ZNF148: variants seen among roughly 807,000 people sequenced by gnomAD.
ZNF148 encodes Beta-Enolase Repressor Factor-1.
Under a neutral mutation model 67.7 loss-of-function variants are expected in ZNF148, and 7 were observed. That is an observed-to-expected ratio of 0.10 (90% confidence interval 0.06 to 0.19). ZNF148 has a LOEUF of 0.19. Ranked by LOEUF, ZNF148 falls within the 10% of genes least tolerant of loss-of-function variation. The probability of loss-of-function intolerance (pLI) is 1.00; values close to 1 mark genes in which losing one functional copy is unlikely to be tolerated. For missense variants in ZNF148, 583 were observed against 947.1 expected (o/e 0.62, Z 5.05); for synonymous variants, 333 against 330.7 (o/e 1.01, Z -0.08).
chr3:125,249,726 A>G (rs938217771), intron 7 of ZNF148, among the ~76,000 whole-genome samples: 1 of 152,208 alleles, frequency 6.6e-6, no homozygotes, highest in African/African-American at 2.4e-5. Context: ...ATATCTGAAC[A>G]TTCACTGTAG....
chr3:125,262,140 C>T (rs1937372315), intron 7 of ZNF148, among the ~76,000 whole-genome samples: 1 of 152,112 alleles, frequency 6.6e-6, no homozygotes, highest in Non-Finnish European at 1.5e-5. Context: ...ATCTTTGAAA[C>T]CGTCTTGTCA....
In ZNF148 at chr3:125,277,827, T is replaced by G. The variant is rs1307505658; in HGVS notation, c.584-18A>C. On this transcript the variant is annotated intron_variant, in intron 6 of 8. Transcript: ENST00000360647. ...TTTTTCACCTTAAAATAATTTCACATCCACAAATTAGTTACTGAATAAAAC... is the reference window on the plus strand; with the variant it reads ...TTTTTCACCTTAAAATAATTTCACAGCCACAAATTAGTTACTGAATAAAAC... The G allele has an allele frequency of 6.3e-7, 1 of 1,595,942 alleles. No homozygotes were observed. Among genetic ancestry groups the G allele is most frequent in the Admixed American group, 1.7e-5 (1 of 58,010 alleles).
At position 125,227,731 on chromosome 3, in the gene ZNF148, T is replaced by C. The variant is rs1460979898; in HGVS notation, c.*4610A>G. On this transcript the variant is annotated 3_prime_UTR_variant, in exon 9 of 9. Coordinates refer to ENST00000360647, the MANE Select transcript of ZNF148 (RefSeq NM_021964.3). ...CTACTGAAATGCTTTGCTACAATAA[T>C]AAAAAGCATACATTACATATAAAAG... 6.6e-6 allele frequency: 1 copy of C among 152,584 alleles called. No homozygotes were observed. Among genetic ancestry groups the C allele is most frequent in the Non-Finnish European group, 1.5e-5 (1 of 67,998 alleles). 9.5% of individuals were successfully genotyped at this position (152,584 alleles called of 1,614,324 possible).
At chr3:125,280,461 C>G (rs1938316989) in intron 5 of ZNF148, among the ~76,000 whole-genome samples, 1 of 151,968 alleles carries the variant, frequency 6.6e-6, no homozygotes, top group South Asian at 2.1e-4. Context: ...GTGGGTGGCT[C>G]ACTTCAGTTC....
chr3:125,243,186 C>A (rs181787703), intron 7 of ZNF148, among the ~76,000 whole-genome samples: 4 of 152,284 alleles, frequency 2.6e-5, no homozygotes, highest in Admixed American at 2.0e-4. Flanking sequence ...TGAATGATTT[C>A]CTCATATGGG....
intron 4 of ZNF148, among the ~76,000 whole-genome samples, chr3:125,297,515 C>T (rs915973472): frequency 1.3e-5 from 2 of 151,520 alleles, no homozygotes; most frequent in African/African-American, 4.9e-5. Context: ...CACTGCAATA[C>T]ATGCATCCAA....
intron 5 of ZNF148, among the ~76,000 whole-genome samples, chr3:125,280,591 A>T (rs1250686273): frequency 1.3e-5 from 2 of 151,476 alleles, no homozygotes; most frequent in African/African-American, 4.9e-5. Flanking sequence ...TGAGGATGGG[A>T]GGATCACTTG....
chr3:125,239,113 AAG>A (rs1160600720), intron 7 of ZNF148, among the ~76,000 whole-genome samples: 1 of 152,214 alleles, frequency 6.6e-6, no homozygotes, highest in African/African-American at 2.4e-5. Flanking sequence ...AAGAGGGGAA[AAG>A]AGAGTTATTG....
At chr3:125,256,079 T>A (rs1006349008) in intron 7 of ZNF148, among the ~76,000 whole-genome samples, 3 of 148,164 alleles carry the variant, frequency 2.0e-5, no homozygotes, top group Non-Finnish European at 3.0e-5. Context: ...GAATTCCATT[T>A]AAAAAAAAAA....
chr3:125,258,317 C>T (rs552045822), intron 7 of ZNF148, among the ~76,000 whole-genome samples: 4 of 144,244 alleles, frequency 2.8e-5, no homozygotes, highest in South Asian at 2.3e-4. Flanking sequence ...CCCAGCTACT[C>T]GGGAGGCTGA....
chr3:125,271,000 TTTGA>T (rs1266317345), intron 7 of ZNF148, among the ~76,000 whole-genome samples: 2 of 152,252 alleles, frequency 1.3e-5, no homozygotes, highest in African/African-American at 2.4e-5. Context: ...AATACCTAAA[TTTGA>T]TTAATACATT....
intron 2 of ZNF148, among the ~76,000 whole-genome samples, chr3:125,324,852 G>C (rs563728136): frequency 6.6e-6 from 1 of 152,098 alleles, no homozygotes; most frequent in East Asian, 1.9e-4. Context: ...AATTCTTGTA[G>C]AACTATTCAC....
At chr3:125,328,422 T>C (rs904375629) in intron 2 of ZNF148, among the ~76,000 whole-genome samples, 3 of 151,914 alleles carry the variant, frequency 2.0e-5, no homozygotes, top group African/African-American at 4.8e-5. Flanking sequence ...TGGTAAATAT[T>C]TGAAGTGATG....
At chr3:125,329,293 T>C (rs971182301) in intron 2 of ZNF148, among the ~76,000 whole-genome samples, 1 of 147,662 alleles carries the variant, frequency 6.8e-6, no homozygotes, top group African/African-American at 2.5e-5. Context: ...TATATGTATA[T>C]ATGTATATTC....
chr3:125,342,023 G>A (rs1941748164), intron 1 of ZNF148, among the ~76,000 whole-genome samples: 1 of 151,522 alleles, frequency 6.6e-6, no homozygotes, highest in African/African-American at 2.4e-5. Flanking sequence ...GAAATCATGG[G>A]GAAGAGAATC....
intron 4 of ZNF148, among the ~76,000 whole-genome samples, chr3:125,297,158 A>G (rs564894050): frequency 6.6e-6 from 1 of 152,156 alleles, no homozygotes; most frequent in Non-Finnish European, 1.5e-5. Flanking sequence ...TTAATATACT[A>G]AGTTGTTCTA....
chr3:125,253,443 T>C (rs1936932853), intron 7 of ZNF148, among the ~76,000 whole-genome samples: 1 of 152,218 alleles, frequency 6.6e-6, no homozygotes, highest in Non-Finnish European at 1.5e-5. Context: ...ACTTTTTTTT[T>C]GTTCTGGCCT....
Position 125,241,317 on chromosome 3 carries a change from C to CT in ZNF148, c.668-6989dup, listed in dbSNP as rs1223168147. On this transcript the variant is annotated intron_variant, in intron 7 of 8. Coordinates refer to ENST00000360647, the MANE Select transcript of ZNF148 (RefSeq NM_021964.3). ...GAGTTTCTTTCTTTTTTCTTTCTTT[C>CT]TTTTTTTTTTTTTTTAAAGACAGGG... 7.9e-3 allele frequency among the ~76,000 whole-genome samples: 1,079 copies of CT among 136,330 alleles called. 3 individuals are homozygous for CT. The highest frequency in any genetic ancestry group is 0.011 in the African/African-American group (391 of 36,760). The allele number at this position is 136,330 out of a possible 152,430, so 89.4% of individuals were successfully genotyped here.
chr3:125,348,046 G>A (rs748908685), intron 1 of ZNF148, among the ~76,000 whole-genome samples: 1 of 152,056 alleles, frequency 6.6e-6, no homozygotes. Flanking sequence ...TTTGAGCCCA[G>A]GAGCTTGAGA....
Sources: allele counts gnomAD v4.1 joint callset (sites outside exome capture counted in the v4.1 genomes callset), GRCh38; gene constraint gnomAD v4.1.1; transcripts MANE v1.5; gene names NCBI Gene and HGNC (gene_info 2026-07-23, HGNC 2026-07-21).